Variants in TBC1D4 observed in about 807,000 individuals in gnomAD.
TBC1D4 encodes the protein TBC (Tre-2, BUB2, CDC16) domain-containing protein.
TBC1D4 carries 121 observed loss-of-function variants against 142.5 expected under a neutral mutation model. That is an observed-to-expected ratio of 0.85 (90% CI 0.73 to 0.99). TBC1D4 has a LOEUF of 0.99. Among genes scored for constraint, TBC1D4 ranks in the 50% least tolerant of loss-of-function variants. The probability of loss-of-function intolerance (pLI) is 0.00; values close to 1 mark genes in which losing one functional copy is unlikely to be tolerated. For synonymous variants in TBC1D4, 630 were observed against 628.2 expected (o/e 1.00, Z -0.04); for missense variants, 1,475 against 1,606.6 (o/e 0.92, Z 1.40).
intron 1 of TBC1D4, among the ~76,000 whole-genome samples, chr13:75,383,691 A>C (rs1883997917): frequency 6.6e-6 from 1 of 151,594 alleles, no homozygotes; most frequent in Non-Finnish European, 1.5e-5. Context: ...ATATGTATGT[A>C]TGTATGTACA....
intron 7 of TBC1D4, 35 bp downstream of exon 7, chr13:75,341,090 A>C: frequency 6.3e-7 from 1 of 1,583,616 alleles, no homozygotes; most frequent in Non-Finnish European, 8.7e-7. Context: ...ATTAAACAAC[A>C]ACAAAAGTAG....
chr13:75,327,728 T>A, intron 9 of TBC1D4, 24 bp downstream of exon 9: 2 of 1,612,994 alleles, frequency 1.2e-6, no homozygotes, highest in Non-Finnish European at 1.7e-6. Context: ...TTGCAATTAG[T>A]GTAAACAAGC....
At chr13:75,334,112 C>A (rs1381964259) in intron 8 of TBC1D4, among the ~76,000 whole-genome samples, 1 of 151,930 alleles carries the variant, frequency 6.6e-6, no homozygotes, top group Non-Finnish European at 1.5e-5. Flanking sequence ...CAGCAAATAT[C>A]TTATTTATGA....
intron 3 of TBC1D4, among the ~76,000 whole-genome samples, chr13:75,358,596 C>T (rs1296667014): frequency 2.0e-5 from 3 of 152,098 alleles, no homozygotes; most frequent in African/African-American, 4.8e-5. Context: ...GCTTGTTAAT[C>T]CCAGCACTTT....
At chr13:75,356,625 T>C (rs1882073688) in intron 3 of TBC1D4, among the ~76,000 whole-genome samples, 1 of 152,238 alleles carries the variant, frequency 6.6e-6, no homozygotes, top group African/African-American at 2.4e-5. Flanking sequence ...ACCCTGTTCT[T>C]ATCTGAGGCT....
chr13:75,299,452 T>C lies in TBC1D4; in HGVS notation c.3034A>G (p.Ser1012Gly). Residue 1012 changes from serine to glycine, a missense_variant, in exon 17 of 21, where the codon AGC becomes GGC. Coordinates refer to ENST00000377636, the MANE Select transcript of TBC1D4 (RefSeq NM_014832.5). ...AGAAGCAGGACTCCAGCCACAAAGC[T>C]GATCCCCTGACAGTATCCCACTTCT... Reference protein sequence around the residue: ...DKEVGYCQGISFVAGVLLLHM... With the variant: ...DKEVGYCQGIGFVAGVLLLHM... 1 of 1,614,182 alleles carries C rather than the reference T, an allele frequency of 6.2e-7. No individual in the cohort carries two copies. Among genetic ancestry groups the C allele is most frequent in the South Asian group, 1.1e-5 (1 of 91,082 alleles).
chr13:75,291,766 G>A (rs534892581), intron 19 of TBC1D4, among the ~76,000 whole-genome samples: 27 of 152,228 alleles, frequency 1.8e-4, no homozygotes, highest in South Asian at 4.2e-4. Flanking sequence ...TGTCCTCTTC[G>A]TTTATTTTAC....
intron 1 of TBC1D4, among the ~76,000 whole-genome samples, chr13:75,413,282 C>T (rs964701825): frequency 1.4e-4 from 21 of 150,632 alleles, no homozygotes; most frequent in African/African-American, 4.7e-4. Context: ...TTGCCTCAGC[C>T]TCCCGAGTAG....
chr13:75,395,044 T>TA (rs1884713931), intron 1 of TBC1D4, among the ~76,000 whole-genome samples: 1 of 152,218 alleles, frequency 6.6e-6, no homozygotes, highest in Non-Finnish European at 1.5e-5. Context: ...AGTACAGAAG[T>TA]ATGTTTGCAG....
At chr13:75,308,272 C>A (rs958630752) in intron 14 of TBC1D4, among the ~76,000 whole-genome samples, 1 of 152,202 alleles carries the variant, frequency 6.6e-6, no homozygotes, top group Non-Finnish European at 1.5e-5. Flanking sequence ...CCTGTAAAAT[C>A]ATATAGTATA....
intron 17 of TBC1D4, 45 bp from the exon 18 acceptor site, chr13:75,295,058 G>T (rs1875764719): frequency 1.9e-6 from 3 of 1,562,500 alleles, no homozygotes; most frequent in Non-Finnish European, 2.6e-6. Flanking sequence ...GCATTTATCT[G>T]CATGTGCATC....
intron 1 of TBC1D4, among the ~76,000 whole-genome samples, chr13:75,464,315 C>T (rs917820733): frequency 6.6e-6 from 1 of 152,176 alleles, no homozygotes; most frequent in Non-Finnish European, 1.5e-5. Flanking sequence ...GGAACGAGGG[C>T]AAGGAACACT....
At chr13:75,462,178 T>C (rs1887997098) in intron 1 of TBC1D4, among the ~76,000 whole-genome samples, 1 of 152,144 alleles carries the variant, frequency 6.6e-6, no homozygotes, top group Non-Finnish European at 1.5e-5. Flanking sequence ...TATATTATTA[T>C]TATTATTTTT....
intron 12 of TBC1D4, among the ~76,000 whole-genome samples, chr13:75,319,235 G>A (rs751708081): frequency 6.6e-6 from 1 of 152,110 alleles, no homozygotes; most frequent in African/African-American, 2.4e-5. Flanking sequence ...AGTCTAGTGC[G>A]ATACTTAATA....
chr13:75,295,493 C>T (rs1875820579), intron 17 of TBC1D4, among the ~76,000 whole-genome samples: 1 of 152,178 alleles, frequency 6.6e-6, no homozygotes. Flanking sequence ...ACAATCTGCA[C>T]TGCTAGGAGA....
intron 15 of TBC1D4, among the ~76,000 whole-genome samples, chr13:75,304,100 T>C (rs74096217): frequency 0.019 from 2,855 of 152,318 alleles, 84 homozygotes; most frequent in African/African-American, 0.064. Flanking sequence ...ATAGCAAGCA[T>C]ATTTTCATCT....
At chr13:75,478,493 C>T (rs1271255831) in intron 1 of TBC1D4, among the ~76,000 whole-genome samples, 1 of 152,092 alleles carries the variant, frequency 6.6e-6, no homozygotes, top group Admixed American at 6.6e-5. Flanking sequence ...TAGACTCTGT[C>T]GAGGACTGAG....
At chr13:75,329,545 C>G (rs1879573960) in intron 8 of TBC1D4, among the ~76,000 whole-genome samples, 1 of 151,832 alleles carries the variant, frequency 6.6e-6, no homozygotes. Flanking sequence ...ACAAAGCTTC[C>G]CAGGATTTTC....
At position 75,315,351 on chromosome 13, in the gene TBC1D4, AATATAT is replaced by A. The variant is rs144293371; in HGVS notation, c.2223-2459_2223-2454del. ...AAACAAAAAACCTTCCTGAATATTG[AATATAT>A]ATATATATATATACACACACACACA... On this transcript the variant is annotated intron_variant, in intron 12 of 20. Coordinates refer to ENST00000377636, the MANE Select transcript of TBC1D4 (RefSeq NM_014832.5). Among the ~76,000 whole-genome samples the A allele has an allele frequency of 1.2e-3, 169 of 142,330 alleles. 3 individuals are homozygous for A. The highest frequency in any genetic ancestry group is 7.3e-3 in the Middle Eastern group (2 of 274). 93.4% of individuals were successfully genotyped at this position (142,330 alleles called of 152,430 possible).
Sources: gnomAD v4.1 joint callset for allele counts (sites outside exome capture counted in the v4.1 genomes callset) on GRCh38, gnomAD v4.1.1 for gene constraint, MANE v1.5 for transcripts, NCBI Gene and HGNC (gene_info 2026-07-23, HGNC 2026-07-21) for gene names.